Variants in CHSY1 observed in about 807,000 individuals in gnomAD.
The protein encoded by CHSY1 is N-acetylgalactosaminyl-proteoglycan 3-beta-glucuronosyltransferase 1.
Under a neutral mutation model 59.8 loss-of-function variants are expected in CHSY1, and 13 were observed. The observed-to-expected ratio is 0.22, with a 90% CI of 0.14 to 0.35. The LOEUF is 0.35. Among genes scored for constraint, CHSY1 ranks in the 10% least tolerant of loss-of-function variants. CHSY1 has a pLI of 1.00. For missense variants in CHSY1, 947 were observed against 1,030.6 expected, an observed-to-expected ratio of 0.92 and a Z score of 1.11; for synonymous variants, 459 against 401.2, an observed-to-expected ratio of 1.14 and a Z score of -1.72.
intron 2 of CHSY1, among the ~76,000 whole-genome samples, chr15:101,222,376 T>A (rs1038471234): frequency 1.3e-4 from 20 of 152,200 alleles, no homozygotes; most frequent in African/African-American, 4.8e-4. Flanking sequence ...AGAAGAATTG[T>A]AAAGATGGCA....
intron 2 of CHSY1, among the ~76,000 whole-genome samples, chr15:101,234,335 T>C (rs1183584268): frequency 2.0e-5 from 3 of 152,236 alleles, no homozygotes; most frequent in Non-Finnish European, 4.4e-5. Flanking sequence ...CTTTTATAAA[T>C]TCAAAACACG....
At chr15:101,221,614 C>T (rs951706985) in intron 2 of CHSY1, among the ~76,000 whole-genome samples, 73 of 152,076 alleles carry the variant, frequency 4.8e-4, no homozygotes, top group African/African-American at 1.7e-3. Flanking sequence ...AATATATAAG[C>T]ACCTAAAAAG....
At chr15:101,219,134 G>A (rs1450091225) in intron 2 of CHSY1, among the ~76,000 whole-genome samples, 1 of 152,100 alleles carries the variant, frequency 6.6e-6, no homozygotes, top group Non-Finnish European at 1.5e-5. Flanking sequence ...CAGTTTAAAT[G>A]GGGTTTCTCT....
intron 2 of CHSY1, among the ~76,000 whole-genome samples, chr15:101,205,845 G>A (rs368690492): frequency 1.3e-5 from 2 of 152,068 alleles, no homozygotes; most frequent in Non-Finnish European, 2.9e-5. Flanking sequence ...CAGCTACTCA[G>A]GGGGGCTGAG....
intron 2 of CHSY1, among the ~76,000 whole-genome samples, chr15:101,231,790 A>T (rs1397259753): frequency 6.6e-6 from 1 of 152,194 alleles, no homozygotes; most frequent in Non-Finnish European, 1.5e-5. Context: ...CCCTCTTAAG[A>T]GTAGTATAGC....
intron 2 of CHSY1, among the ~76,000 whole-genome samples, chr15:101,224,107 C>T (rs559635058): frequency 2.6e-4 from 40 of 152,358 alleles, no homozygotes; most frequent in Non-Finnish European, 4.6e-4. Flanking sequence ...CTACACCATA[C>T]AGCCTAGGTG....
intron 2 of CHSY1, among the ~76,000 whole-genome samples, chr15:101,192,008 A>T (rs1398277296): frequency 6.6e-6 from 1 of 152,250 alleles, no homozygotes; most frequent in Non-Finnish European, 1.5e-5. Context: ...ATAATTAACA[A>T]TGAGTAGGAT....
chr15:101,214,078 A>G (rs2038708291), intron 2 of CHSY1, among the ~76,000 whole-genome samples: 1 of 152,216 alleles, frequency 6.6e-6, no homozygotes, highest in Non-Finnish European at 1.5e-5. Context: ...GTGGGGCAAA[A>G]GCCTGTGAAA....
intron 1 of CHSY1, among the ~76,000 whole-genome samples, chr15:101,246,856 C>T (rs1226168441): frequency 6.9e-6 from 1 of 145,570 alleles, no homozygotes; most frequent in African/African-American, 2.8e-5. Flanking sequence ...CCATATATCA[C>T]AGAACATAAC....
intron 1 of CHSY1, among the ~76,000 whole-genome samples, chr15:101,236,103 A>G (rs531027808): frequency 6.6e-6 from 1 of 152,332 alleles, no homozygotes; most frequent in Non-Finnish European, 1.5e-5. Context: ...ATTATGAACT[A>G]AGAGAAGTAC....
chr15:101,176,344 T>A lies in CHSY1; in HGVS notation c.*1044A>T, dbSNP rs748600403. On this transcript the variant is annotated 3_prime_UTR_variant, in exon 3 of 3. Transcript: ENST00000254190. ...TGAAAGGAACAAAACCAAATACATT[T>A]TTCCCCAACGTTTTGATTAGGGTGT... The A allele has an allele frequency of 5.0e-6, 2 of 398,604 alleles. No individual in the cohort carries two copies. The highest frequency in any genetic ancestry group is 8.8e-6 in the Non-Finnish European group (2 of 226,050). 24.7% of individuals were successfully genotyped at this position (398,604 alleles called of 1,614,324 possible).
chr15:101,233,017 G>A (rs112346883), intron 2 of CHSY1, among the ~76,000 whole-genome samples: 3 of 152,160 alleles, frequency 2.0e-5, no homozygotes, highest in South Asian at 2.1e-4. Context: ...GGGACCACAC[G>A]GGGAGGAGGC....
chr15:101,179,031 G>A, intron 2 of CHSY1, 51 bp from the exon 3 acceptor site: 2 of 1,537,210 alleles, frequency 1.3e-6, no homozygotes, highest in Non-Finnish European at 1.8e-6. Flanking sequence ...ATGATTGAGT[G>A]CCAGCACATG....
intron 2 of CHSY1, among the ~76,000 whole-genome samples, chr15:101,226,988 T>C (rs2038847737): frequency 6.6e-6 from 1 of 152,212 alleles, no homozygotes; most frequent in Non-Finnish European, 1.5e-5. Flanking sequence ...CCAAAAATCC[T>C]GTCTGCCCTG....
chr15:101,235,578 C>T lies in CHSY1; in HGVS notation c.321-1G>A, dbSNP rs760952362. 6.2e-7 allele frequency: 1 copy of T among 1,607,078 alleles called. No individual in the cohort carries two copies. Among genetic ancestry groups the T allele is most frequent in the South Asian group, 1.1e-5 (1 of 91,056 alleles). ...CCCAGGAATTGTCTTGGACCATGTTCTGGAATTAAAATAAATATCAGTTAG... is the reference window on the plus strand; with the variant it reads ...CCCAGGAATTGTCTTGGACCATGTTTTGGAATTAAAATAAATATCAGTTAG... On this transcript the variant is annotated splice_acceptor_variant, in intron 1 of 2. Transcript: ENST00000254190. LOFTEE classifies it high-confidence loss of function.
At chr15:101,242,832 C>T (rs1316000221) in intron 1 of CHSY1, among the ~76,000 whole-genome samples, 1 of 152,194 alleles carries the variant, frequency 6.6e-6, no homozygotes, top group African/African-American at 2.4e-5. Context: ...ATGTGGTTTC[C>T]GGGTATGTGG....
chr15:101,183,948 C>T (rs966841612), intron 2 of CHSY1, among the ~76,000 whole-genome samples: 6 of 152,286 alleles, frequency 3.9e-5, no homozygotes, highest in East Asian at 1.9e-4. Context: ...TGTTTTAAAA[C>T]GCAAAAATCA....
intron 1 of CHSY1, among the ~76,000 whole-genome samples, chr15:101,243,203 C>G: frequency 6.6e-6 from 1 of 152,176 alleles, no homozygotes; most frequent in East Asian, 1.9e-4. Context: ...ACAGAGACCA[C>G]AAATAGGCCA....
intron 2 of CHSY1, among the ~76,000 whole-genome samples, chr15:101,183,882 T>C (rs1880827925): frequency 6.6e-6 from 1 of 152,236 alleles, no homozygotes; most frequent in South Asian, 2.1e-4. Flanking sequence ...AGACACGATA[T>C]GTTACACATG....
Sources: allele counts gnomAD v4.1 joint callset (sites outside exome capture counted in the v4.1 genomes callset), GRCh38; gene constraint gnomAD v4.1.1; transcripts MANE v1.5; gene names NCBI Gene and HGNC (gene_info 2026-07-23, HGNC 2026-07-21).